Variants in ATF7IP observed in about 807,000 individuals in gnomAD.
ATF7IP encodes activating transcription factor 7-interacting protein 1.
ATF7IP carries 23 observed loss-of-function variants against 106.4 expected under a neutral mutation model. The observed-to-expected ratio is 0.22, with a 90% confidence interval of 0.16 to 0.31. The LOEUF is 0.31. Ranked by LOEUF, ATF7IP falls within the 10% of genes least tolerant of loss-of-function variation. The pLI, the probability that ATF7IP is intolerant of heterozygous loss-of-function variation, is 1.00. For synonymous variants in ATF7IP, 542 were observed against 539.0 expected (o/e 1.01, Z -0.08); for missense variants, 1,334 against 1,524.3 (o/e 0.88, Z 2.08).
rs1001588523 is a variant in ATF7IP, at chr12:14,501,356, T to C, written c.*3283T>C. 1.1e-4 allele frequency: 16 copies of C among 152,228 alleles called. No individual in the cohort carries two copies. The highest frequency in any genetic ancestry group is 3.9e-4 in the African/African-American group (16 of 41,466). The allele number at this position is 152,228 out of a possible 1,614,324, so 9.4% of individuals were successfully genotyped here. On this transcript the variant is annotated 3_prime_UTR_variant, in exon 15 of 15. Coordinates refer to ENST00000261168, the MANE Select transcript of ATF7IP (RefSeq NM_018179.5). ...TGCAACCTGCAATGTAGGATGTTTG[T>C]ATGGCATTTAAAGGTAATGGTGATG...
intron 13 of ATF7IP, among the ~76,000 whole-genome samples, chr12:14,492,187 C>T (rs112985166): frequency 0.022 from 3,328 of 152,260 alleles, 84 homozygotes; most frequent in African/African-American, 0.061. Context: ...ACTGGATCCA[C>T]TGTAAGTCAG....
intron 1 of ATF7IP, chr12:14,367,429 CA>C (rs1271190946): frequency 2.0e-5 from 3 of 152,048 alleles, no homozygotes; most frequent in Admixed American, 6.6e-5. Context: ...GTCTTCTACA[CA>C]GAAGTATATT....
intron 1 of ATF7IP, among the ~76,000 whole-genome samples, chr12:14,408,082 A>G (rs2136487806): frequency 6.6e-6 from 1 of 150,492 alleles, no homozygotes; most frequent in South Asian, 2.1e-4. Context: ...TCTCCTGTAA[A>G]TAGAAAAACA....
rs2136382749 is a variant in ATF7IP, at chr12:14,365,845, G to T, written c.-8+18G>T. On this transcript the variant is annotated intron_variant, in intron 1 of 14. Transcript: ENST00000261168. Reference sequence around the variant, plus strand: ...CCCAAAAGGTATATGTGAATCCCAGGGGCTGTTAAAACCACATTTTCTTAA... The same window carrying T: ...CCCAAAAGGTATATGTGAATCCCAGTGGCTGTTAAAACCACATTTTCTTAA... 2 of 153,026 alleles carry T rather than the reference G, an allele frequency of 1.3e-5. No individual in the cohort carries two copies. The highest frequency in any genetic ancestry group is 2.0e-4 in the South Asian group (1 of 5,044). 9.5% of individuals were successfully genotyped at this position (153,026 alleles called of 1,614,324 possible).
Position 14,476,575 on chromosome 12 carries a change from A to G in ATF7IP, c.2941+607A>G, listed in dbSNP as rs1173656493. On this transcript the variant is annotated intron_variant, in intron 11 of 14. Coordinates refer to ENST00000261168, the MANE Select transcript of ATF7IP (RefSeq NM_018179.5). ...CTTGCAAAAAAATCCTGTAATACTC[A>G]TTTTAGACTTGAGGAAACTTGTTAG... 3.3e-5 allele frequency: 5 copies of G among 152,082 alleles called. 1 individual carries two copies. 9.4% of individuals were successfully genotyped at this position (152,082 alleles called of 1,614,324 possible).
chr12:14,462,011 C>CT (rs1332480327), intron 9 of ATF7IP, among the ~76,000 whole-genome samples: 1 of 152,068 alleles, frequency 6.6e-6, no homozygotes, highest in Admixed American at 6.5e-5. Flanking sequence ...ATAGCCATTA[C>CT]TAGTGTAGTT....
At chr12:14,466,417 T>A (rs2136748629) in intron 9 of ATF7IP, 109 bp from the exon 10 acceptor site, 1 of 819,998 alleles carries the variant, frequency 1.2e-6, no homozygotes, top group Non-Finnish European at 2.0e-6. Context: ...GTATGTGACA[T>A]GTTGACGGAA....
chr12:14,401,037 A>G (rs1940162311), intron 1 of ATF7IP, among the ~76,000 whole-genome samples: 2 of 151,836 alleles, frequency 1.3e-5, no homozygotes, highest in African/African-American at 4.8e-5. Context: ...CCATTTTTTC[A>G]AGTATTTCTC....
At chr12:14,490,686 C>A (rs1000939051) in intron 13 of ATF7IP, among the ~76,000 whole-genome samples, 30 of 152,160 alleles carry the variant, frequency 2.0e-4, no homozygotes, top group African/African-American at 6.8e-4. Flanking sequence ...CAGGGACTCC[C>A]CATGAGGCCA....
chr12:14,434,452 G>A lies in ATF7IP; in HGVS notation c.1645+29G>A, dbSNP rs767941425. 6 of 1,144,834 alleles carry A rather than the reference G, an allele frequency of 5.2e-6. No individual in the cohort carries two copies. The African/African-American group carries it at 9.2e-5, about 18-fold the overall frequency. 70.9% of individuals were successfully genotyped at this position (1,144,834 alleles called of 1,614,324 possible). ...TGCATGTATAAACAAACTTGAACTG[G>A]ATTGAAAAATAATAATTCACTGTTT... On this transcript the variant is annotated intron_variant, in intron 3 of 14. Transcript: ENST00000261168.
At chr12:14,372,078 C>T (rs1036434380) in intron 1 of ATF7IP, among the ~76,000 whole-genome samples, 1 of 152,030 alleles carries the variant, frequency 6.6e-6, no homozygotes, top group African/African-American at 2.4e-5. Flanking sequence ...AATTGCCTAT[C>T]CTTTAGTGGA....
At chr12:14,455,576 T>G (rs888461745) in intron 6 of ATF7IP, among the ~76,000 whole-genome samples, 2 of 152,176 alleles carry the variant, frequency 1.3e-5, no homozygotes, top group South Asian at 4.1e-4. Flanking sequence ...GATATTTTAT[T>G]CTTCCATTTT....
In ATF7IP at chr12:14,501,686, T is replaced by A. The variant is rs1450595367; in HGVS notation, c.*3613T>A. On this transcript the variant is annotated 3_prime_UTR_variant, in exon 15 of 15. Coordinates refer to ENST00000261168, the MANE Select transcript of ATF7IP (RefSeq NM_018179.5). Reference sequence around the variant, plus strand: ...TACCATTTGCCTCACAGAGAGGTGTTCCCCACTCCCATCCCCATTGCCAGA... The same window carrying A: ...TACCATTTGCCTCACAGAGAGGTGTACCCCACTCCCATCCCCATTGCCAGA... 1 of 152,128 alleles carries A rather than the reference T, an allele frequency of 6.6e-6. No individual in the cohort carries two copies. The highest frequency in any genetic ancestry group is 1.9e-4 in the East Asian group (1 of 5,194). 9.4% of individuals were successfully genotyped at this position (152,128 alleles called of 1,614,324 possible). A position where few individuals can be genotyped will look rare whatever the true frequency, so the allele number is the denominator to read the frequency against.
intron 6 of ATF7IP, among the ~76,000 whole-genome samples, chr12:14,450,353 T>C (rs975145328): frequency 6.6e-6 from 1 of 152,222 alleles, no homozygotes; most frequent in Non-Finnish European, 1.5e-5. Context: ...TCTGGTTTGA[T>C]GAGTGTTTTA....
intron 8 of ATF7IP, among the ~76,000 whole-genome samples, chr12:14,459,529 A>G (rs758439107): frequency 6.6e-6 from 1 of 152,266 alleles, no homozygotes; most frequent in African/African-American, 2.4e-5. Context: ...GTACTAAAGC[A>G]TCAGAAGTTT....
intron 2 of ATF7IP, among the ~76,000 whole-genome samples, 165 bp downstream of exon 2, chr12:14,425,638 G>A (rs1304411862): frequency 6.6e-6 from 1 of 152,156 alleles, no homozygotes; most frequent in East Asian, 1.9e-4. Flanking sequence ...GAATTAGTGT[G>A]TGTACTCTGT....
At position 14,481,104 on chromosome 12, in the gene ATF7IP, C is replaced by A; in HGVS notation, c.3199C>A (p.Leu1067Ile). The A allele has an allele frequency of 6.2e-7, 1 of 1,614,094 alleles. No individual in the cohort carries two copies. The highest frequency in any genetic ancestry group is 8.5e-7 in the Non-Finnish European group (1 of 1,179,992). Residue 1067 changes from leucine (L) to isoleucine (I), a missense_variant, in exon 13 of 15, where the codon CTT becomes ATT. Around this residue, in one of 10 missense-constraint regions of ATF7IP, gnomAD observed 370 missense variants for 401.2 expected, o/e 0.92. Transcript: ENST00000261168. ...PANHQVVYTT[L>I]PAPPAQAPLR... ...AAACCACCAGGTGGTTTATACAACT[C>A]TTCCTGCACCACCAGCTCAGGCTCC...
rs1470673675 is a variant in ATF7IP, at chr12:14,500,953, G to T, written c.*2880G>T. 1 of 152,174 alleles carries T rather than the reference G, an allele frequency of 6.6e-6. No individual in the cohort carries two copies. Among genetic ancestry groups the T allele is most frequent in the African/African-American group, 2.4e-5 (1 of 41,458 alleles). The allele number at this position is 152,174 out of a possible 1,614,324, so 9.4% of individuals were successfully genotyped here. ...GAAATCGCAATTATTTAGGGGAGAAGTATATTTATTATAAGATGGTGTCCT... is the reference window on the plus strand; with the variant it reads ...GAAATCGCAATTATTTAGGGGAGAATTATATTTATTATAAGATGGTGTCCT... On this transcript the variant is annotated 3_prime_UTR_variant, in exon 15 of 15. Coordinates refer to ENST00000261168, the MANE Select transcript of ATF7IP (RefSeq NM_018179.5).
intron 6 of ATF7IP, among the ~76,000 whole-genome samples, chr12:14,453,633 T>G (rs1943293949): frequency 6.6e-6 from 1 of 152,144 alleles, no homozygotes; most frequent in Non-Finnish European, 1.5e-5. Flanking sequence ...GAGTATCTTT[T>G]TTTTTTTTGA....
Sources: gnomAD v4.1 joint callset for allele counts (sites outside exome capture counted in the v4.1 genomes callset) on GRCh38, gnomAD v4.1.1 for gene constraint, gnomAD v4.1.1 regional missense constraint, MANE v1.5 for transcripts, NCBI Gene and HGNC (gene_info 2026-07-23, HGNC 2026-07-21) for gene names.